Variants in LDB2 observed in about 807,000 individuals in gnomAD.
LDB2 encodes LIM domain binding 2, also known as LIM domain-binding protein 2.
Under a neutral mutation model 44.3 loss-of-function variants are expected in LDB2, and 12 were observed. The ratio of observed to expected loss-of-function variants is 0.27; its 90% CI spans 0.17 to 0.44. The LOEUF (loss-of-function observed/expected upper bound fraction) is 0.44, where lower values mean the gene tolerates loss of function less well. Among genes scored for constraint, LDB2 ranks in the 20% least tolerant of loss-of-function variants. The pLI is 1.00. For synonymous variants in LDB2, 164 were observed against 174.8 expected, an observed-to-expected ratio of 0.94 and a Z score of 0.49; for missense variants, 344 against 473.5, an observed-to-expected ratio of 0.73 and a Z score of 2.54.
rs145495837 is a variant in LDB2, at chr4:16,812,340, C to T, written c.133-53080G>A. On this transcript the variant is annotated intron_variant, in intron 1 of 7. Coordinates refer to ENST00000304523, the MANE Select transcript of LDB2 (RefSeq NM_001290.5). ...CTCCCTCCTTTCCTTTTTCTCTTAA[C>T]ACAGGAAGGGCTCATTATGATCTAA... 7.4e-3 allele frequency among the ~76,000 whole-genome samples: 1,122 copies of T among 152,128 alleles called. 13 individuals are homozygous for T. The highest frequency in any genetic ancestry group is 0.026 in the African/African-American group (1,078 of 41,464).
At chr4:16,586,622 A>G (rs1213139873) in intron 4 of LDB2, among the ~76,000 whole-genome samples, 3 of 151,854 alleles carry the variant, frequency 2.0e-5, no homozygotes, top group Non-Finnish European at 4.4e-5. Context: ...ATCCCCAACA[A>G]TTTTTATCCT....
At chr4:16,703,895 A>G (rs1359234812) in intron 2 of LDB2, among the ~76,000 whole-genome samples, 2 of 152,160 alleles carry the variant, frequency 1.3e-5, no homozygotes, top group Non-Finnish European at 2.9e-5. Flanking sequence ...AGTATAGTGG[A>G]TGTTTCTTGT....
chr4:16,710,682 G>A (rs1560959081), intron 2 of LDB2, among the ~76,000 whole-genome samples: 1 of 152,188 alleles, frequency 6.6e-6, no homozygotes, highest in Non-Finnish European at 1.5e-5. Context: ...TGTCTCTAAG[G>A]ATATGAATTT....
At chr4:16,622,432 G>A (rs1392860226) in intron 2 of LDB2, among the ~76,000 whole-genome samples, 1 of 152,200 alleles carries the variant, frequency 6.6e-6, no homozygotes, top group Non-Finnish European at 1.5e-5. Flanking sequence ...TAGAGTTATG[G>A]GAAATAGCGA....
At chr4:16,886,803 C>T (rs1273809702) in intron 1 of LDB2, among the ~76,000 whole-genome samples, 1 of 151,874 alleles carries the variant, frequency 6.6e-6, no homozygotes, top group African/African-American at 2.4e-5. Flanking sequence ...GAGGCCGAGG[C>T]AGGCAGATCA....
Position 16,517,859 on chromosome 4 carries a change from A to C in LDB2, c.616-5755T>G, listed in dbSNP as rs77481972. On this transcript the variant is annotated intron_variant, in intron 5 of 7. Coordinates refer to ENST00000304523, the MANE Select transcript of LDB2 (RefSeq NM_001290.5). ...CTTTGGTATGAAATTTTGTAATCACAACAGGAACTTGATGAATGAGTGGAT... is the reference window on the plus strand; with the variant it reads ...CTTTGGTATGAAATTTTGTAATCACCACAGGAACTTGATGAATGAGTGGAT... Among the ~76,000 whole-genome samples, 341 of 151,206 alleles carry C rather than the reference A, an allele frequency of 2.3e-3. 6 individuals are homozygous for C. The East Asian group carries it at 0.05, about 22-fold the overall frequency.
chr4:16,571,693 C>T (rs2152400783), intron 5 of LDB2, among the ~76,000 whole-genome samples: 1 of 152,320 alleles, frequency 6.6e-6, no homozygotes, highest in Non-Finnish European at 1.5e-5. Flanking sequence ...TCTCAAATGT[C>T]TATTTAGGAT....
chr4:16,897,614 A>T (rs1725416265), intron 1 of LDB2, among the ~76,000 whole-genome samples: 1 of 152,010 alleles, frequency 6.6e-6, no homozygotes, highest in Non-Finnish European at 1.5e-5. Flanking sequence ...GATCTCAAAT[A>T]TGCAAAAACT....
At chr4:16,520,824 A>G (rs1303268949) in intron 5 of LDB2, among the ~76,000 whole-genome samples, 2 of 152,208 alleles carry the variant, frequency 1.3e-5, no homozygotes, top group Non-Finnish European at 2.9e-5. Context: ...CAGACTAGCC[A>G]AGCTCACGAT....
intron 5 of LDB2, among the ~76,000 whole-genome samples, chr4:16,577,502 G>A (rs1712184253): frequency 6.6e-6 from 1 of 151,876 alleles, no homozygotes; most frequent in Admixed American, 6.6e-5. Flanking sequence ...AAAATACCTA[G>A]GAATTAACCA....
chr4:16,672,884 CCTTT>C (rs1362474529), intron 2 of LDB2, among the ~76,000 whole-genome samples: 4 of 143,236 alleles, frequency 2.8e-5, no homozygotes, highest in African/African-American at 2.6e-5. Context: ...TTCCTTCCTT[CCTTT>C]TTTTTCCTTC....
intron 7 of LDB2, among the ~76,000 whole-genome samples, chr4:16,508,248 C>A (rs775035079): frequency 1.3e-5 from 2 of 152,170 alleles, no homozygotes; most frequent in Non-Finnish European, 2.9e-5. Context: ...TTAATTAAAC[C>A]TTAAGTGACA....
chr4:16,807,316 C>T (rs1007465052), intron 1 of LDB2, among the ~76,000 whole-genome samples: 2 of 152,068 alleles, frequency 1.3e-5, no homozygotes, highest in South Asian at 4.1e-4. Context: ...GCCATATGGC[C>T]TTAATTAATT....
At chr4:16,595,927 C>T (rs921827712) in intron 2 of LDB2, 52 bp from the exon 3 acceptor site, 1 of 1,547,640 alleles carries the variant, frequency 6.5e-7, no homozygotes, top group African/African-American at 1.4e-5. Context: ...TCCCACCAGC[C>T]CCACACACCC....
intron 2 of LDB2, among the ~76,000 whole-genome samples, chr4:16,739,573 GA>G (rs577466407): frequency 0.081 from 3,040 of 37,542 alleles, 445 homozygotes; most frequent in African/African-American, 0.12. Context: ...GTGACAGAGG[GA>G]AAAAAAAAAA....
intron 1 of LDB2, among the ~76,000 whole-genome samples, chr4:16,822,966 C>T (rs796864597): frequency 6.6e-6 from 1 of 152,132 alleles, no homozygotes; most frequent in African/African-American, 2.4e-5. Context: ...CACAGCTGAT[C>T]AAATCAGTGA....
At chr4:16,547,060 T>A (rs1310844193) in intron 5 of LDB2, among the ~76,000 whole-genome samples, 3 of 152,148 alleles carry the variant, frequency 2.0e-5, no homozygotes, top group African/African-American at 4.8e-5. Flanking sequence ...TTTGCAGATA[T>A]AATTAAGGTA....
intron 5 of LDB2, among the ~76,000 whole-genome samples, chr4:16,543,114 A>G (rs921593932): frequency 3.3e-5 from 5 of 151,762 alleles, no homozygotes; most frequent in African/African-American, 4.8e-5. Flanking sequence ...CATCCTTTTT[A>G]TGGCTGCATA....
chr4:16,789,427 A>C (rs2037078), intron 1 of LDB2, among the ~76,000 whole-genome samples: 17,294 of 152,286 alleles, frequency 0.11, 1,196 homozygotes, highest in South Asian at 0.19. Context: ...GAGAAGAAAC[A>C]AAGAAAGAAG....
Sources: allele counts gnomAD v4.1 joint callset (sites outside exome capture counted in the v4.1 genomes callset), GRCh38; gene constraint gnomAD v4.1.1; transcripts MANE v1.5; gene names NCBI Gene and HGNC (gene_info 2026-07-23, HGNC 2026-07-21).